The following ENTPD5 variants were observed in gnomAD, a reference collection of about 807,000 sequenced individuals.
ENTPD5 encodes ectonucleoside triphosphate diphosphohydrolase 5 (inactive), also known as nucleoside diphosphate phosphatase ENTPD5.
Under a neutral mutation model 60.2 loss-of-function variants are expected in ENTPD5, and 49 were observed. That is an observed-to-expected ratio of 0.81 (90% CI 0.65 to 1.03). ENTPD5 has a LOEUF of 1.03. ENTPD5 is among the 50% of genes least tolerant of loss of function. The pLI is 0.00. For synonymous variants in ENTPD5, 187 were observed against 185.4 expected (o/e 1.01, Z -0.07); for missense variants, 480 against 507.6 (o/e 0.95, Z 0.52).
chr14:73,991,707 A>G (rs1230711978), intron 3 of ENTPD5, among the ~76,000 whole-genome samples: 1 of 151,334 alleles, frequency 6.6e-6, no homozygotes, highest in African/African-American at 2.4e-5. Flanking sequence ...ACTAGAGGTC[A>G]ATAGCACATC....
intron 3 of ENTPD5, among the ~76,000 whole-genome samples, chr14:74,000,153 C>T (rs558348625): frequency 2.0e-5 from 3 of 150,220 alleles, no homozygotes; most frequent in Non-Finnish European, 3.0e-5. Flanking sequence ...GATTTGGAAA[C>T]GCATCAAGAA....
intron 3 of ENTPD5, among the ~76,000 whole-genome samples, chr14:74,003,929 A>T (rs116650363): frequency 0.012 from 1,764 of 151,500 alleles, 10 homozygotes; most frequent in South Asian, 0.03. Flanking sequence ...AAACCCTATT[A>T]AAAAAAATTT....
downstream of ENTPD5, chr14:73,960,252 T>C: frequency 1.0e-6 from 1 of 986,796 alleles, no homozygotes; most frequent in Admixed American, 6.0e-5. Flanking sequence ...GTAAATAGTA[T>C]CACTAACTGC....
At position 73,977,057 on chromosome 14, in the gene ENTPD5, T is replaced by A; in HGVS notation, c.520A>T (p.Ile174Leu). 1.2e-6 allele frequency: 2 copies of A among 1,613,186 alleles called. No individual in the cohort carries two copies. The highest frequency in any genetic ancestry group is 8.5e-7 in the Non-Finnish European group (1 of 1,179,580). Residue 174 changes from isoleucine (I) to leucine (L), a missense_variant and splice_region_variant, in exon 8 of 16, where the codon ATA becomes TTA. Physicochemically the swap from Ile to Leu is conservative, Grantham distance 5 (BLOSUM62 2). Transcript: ENST00000334696. ...AAATTCACAGTAACCCAAGCTAATA[T>A]GCCTAAAAAGAAAGAAAGACAAGGA... is the stretch of plus-strand genomic sequence containing the variant. The part of the protein sequence containing the change: ...VSIMDGSDEG[I>L]LAWVTVNFLT...
intron 6 of ENTPD5, among the ~76,000 whole-genome samples, chr14:73,980,766 T>C (rs1340424104): frequency 6.6e-6 from 1 of 152,218 alleles, no homozygotes; most frequent in Middle Eastern, 3.2e-3. Flanking sequence ...TTAACTTACA[T>C]GTTTATTGCA....
At chr14:73,999,863 G>A (rs532887515) in intron 3 of ENTPD5, among the ~76,000 whole-genome samples, 3 of 151,974 alleles carry the variant, frequency 2.0e-5, no homozygotes, top group African/African-American at 7.2e-5. Flanking sequence ...GCCAAGGCGG[G>A]CGGATCATGA....
At chr14:73,955,693 A>G, downstream of ENTPD5, 1 of 1,522,126 alleles carries the variant, frequency 6.6e-7, no homozygotes, top group Non-Finnish European at 9.1e-7. Context: ...CCTACCAGAG[A>G]GGCTGACAAA....
chr14:73,990,184 CTAAAAAT>C (rs1458672781), intron 3 of ENTPD5, among the ~76,000 whole-genome samples: 3 of 151,988 alleles, frequency 2.0e-5, no homozygotes, highest in African/African-American at 7.2e-5. Flanking sequence ...GACCCTGTCT[CTAAAAAT>C]AAAAAATAAT....
chr14:73,982,373 C>T (rs1418025811), intron 6 of ENTPD5, among the ~76,000 whole-genome samples: 1 of 152,034 alleles, frequency 6.6e-6, no homozygotes, highest in Non-Finnish European at 1.5e-5. Flanking sequence ...CCGTGCCCAG[C>T]CTAAAATAGA....
intron 3 of ENTPD5, among the ~76,000 whole-genome samples, chr14:73,999,845 T>C (rs1283244258): frequency 4.6e-5 from 7 of 150,946 alleles, no homozygotes; most frequent in Non-Finnish European, 1.0e-4. Context: ...ATCCCAGCAC[T>C]TGGGGAGGCC....
At chr14:73,977,278 G>A (rs777522513) in intron 7 of ENTPD5, 21 bp downstream of exon 7, 14 of 1,580,680 alleles carry the variant, frequency 8.9e-6, no homozygotes, top group African/African-American at 5.4e-5. Flanking sequence ...CCCCTGGAAC[G>A]CATATCAACA....
chr14:74,014,755 T>C (rs2058963569), intron 2 of ENTPD5, among the ~76,000 whole-genome samples: 1 of 152,192 alleles, frequency 6.6e-6, no homozygotes, highest in South Asian at 2.1e-4. Flanking sequence ...GAATTCTATA[T>C]TTGCAGCACA....
intron 3 of ENTPD5, among the ~76,000 whole-genome samples, chr14:74,000,317 C>T (rs976149301): frequency 2.6e-5 from 4 of 151,800 alleles, no homozygotes; most frequent in African/African-American, 7.3e-5. Flanking sequence ...ACTAGTCAGG[C>T]ATGGTGGAAT....
downstream of ENTPD5, chr14:73,958,112 T>G: frequency 6.3e-7 from 1 of 1,578,858 alleles, no homozygotes; most frequent in Non-Finnish European, 8.7e-7. Context: ...TGGCCCACCT[T>G]TCTAATTTTT....
In ENTPD5 at chr14:73,971,825, C is replaced by A. The variant is rs1290234958; in HGVS notation, c.1084+27G>T. The A allele has an allele frequency of 1.9e-6, 3 of 1,563,474 alleles. No homozygotes were observed. In the Admixed American group the frequency reaches 5.0e-5, roughly 26 times the overall value. The stretch of plus-strand genomic sequence containing the variant: ...GTAGGCAGGCAGTCTCACAGGCTTA[C>A]CTTCAAGGGCTTCCCCTGACACTTA... On this transcript the variant is annotated intron_variant, in intron 14 of 15. Coordinates refer to ENST00000334696, the MANE Select transcript of ENTPD5 (RefSeq NM_001249.5).
downstream of ENTPD5, chr14:73,956,136 A>G (rs542610446): frequency 1.4e-4 from 73 of 533,060 alleles, 2 homozygotes; most frequent in South Asian, 1.2e-3. Context: ...CATCCTGGCT[A>G]ACATGGTGAA....
Position 73,983,102 on chromosome 14 carries a change from G to C in ENTPD5, c.357C>G (p.His119Gln), listed in dbSNP as rs749055223. 1.9e-6 allele frequency: 3 copies of C among 1,614,160 alleles called. No homozygotes were observed. In the Admixed American group the frequency reaches 5.0e-5, roughly 27 times the overall value. The change falls in exon 6 of 16, where the codon CAC becomes CAG. Residue 119 changes from histidine (H) to glutamine (Q), a missense_variant. By Grantham distance (24) the His-to-Gln change is conservative. Coordinates refer to ENST00000334696, the MANE Select transcript of ENTPD5 (RefSeq NM_001249.5). Reference sequence around the variant, plus strand: ...TTAGGACCACTGGGGTCTTTTTCCAGTGACTTCGGGGGATTGAGTCTTTGG... The same window carrying C: ...TTAGGACCACTGGGGTCTTTTTCCACTGACTTCGGGGGATTGAGTCTTTGG... Reference protein sequence around the residue: ...EVAKDSIPRSHWKKTPVVLKA... With the variant: ...EVAKDSIPRSQWKKTPVVLKA...
intron 2 of ENTPD5, among the ~76,000 whole-genome samples, chr14:74,014,099 A>G (rs60584681): frequency 0.14 from 20,808 of 152,130 alleles, 2,001 homozygotes; most frequent in East Asian, 0.57. Flanking sequence ...TGGGATGGAC[A>G]ACTAATAAAA....
intron 3 of ENTPD5, among the ~76,000 whole-genome samples, chr14:73,992,749 T>C (rs145099450): frequency 4.7e-4 from 71 of 150,756 alleles, no homozygotes; most frequent in African/African-American, 1.7e-3. Flanking sequence ...ACGCCTATCA[T>C]CTCAGCATTT....
Sources: allele counts gnomAD v4.1 joint callset (sites outside exome capture counted in the v4.1 genomes callset), GRCh38; gene constraint gnomAD v4.1.1; transcripts MANE v1.5; gene names NCBI Gene and HGNC (gene_info 2026-07-23, HGNC 2026-07-21).